The following ACY1 variants were observed in gnomAD, a reference collection of about 807,000 sequenced individuals.
The protein encoded by ACY1 is aminoacylase-1.
ACY1 carries 38 observed loss-of-function variants against 53.3 expected under a neutral mutation model. The ratio of observed to expected loss-of-function variants is 0.71; its 90% CI spans 0.55 to 0.93. The LOEUF is 0.93. Ranked by LOEUF, ACY1 falls within the 40% of genes least tolerant of loss-of-function variation. The pLI, the probability that ACY1 is intolerant of heterozygous loss-of-function variation, is 0.00. For synonymous variants in ACY1, 177 were observed against 202.1 expected (o/e 0.88, Z 1.05); for missense variants, 484 against 540.9 (o/e 0.89, Z 1.04).
At chr3:51,985,491 C>T in intron 4 of ACY1, 26 bp downstream of exon 4, 1 of 1,607,342 alleles carries the variant, frequency 6.2e-7, no homozygotes, top group South Asian at 1.1e-5. Context: ...GGGAGGTGGG[C>T]AGTGCAGGCC....
intron 1 of ACY1, among the ~76,000 whole-genome samples, 171 bp downstream of exon 1, chr3:51,983,760 C>T (rs1700964840): frequency 6.6e-6 from 1 of 151,514 alleles, no homozygotes; most frequent in South Asian, 2.1e-4. Context: ...CTCAGCTACT[C>T]TATGAGCTGT....
chr3:51,985,572 C>A, intron 4 of ACY1, 107 bp downstream of exon 4: 1 of 1,046,570 alleles, frequency 9.6e-7, no homozygotes, highest in Non-Finnish European at 1.4e-6. Flanking sequence ...CCAGTCCTGA[C>A]ACTAACTCTC....
intron 1 of ACY1, 85 bp downstream of exon 1, chr3:51,983,674 T>G: frequency 3.6e-6 from 1 of 275,858 alleles, no homozygotes; most frequent in East Asian, 9.2e-5. Context: ...TTTTTCTTGT[T>G]TGTTTTTTGT....
At position 51,985,862 on chromosome 3, in the gene ACY1, G is replaced by A. The variant is rs1346605678; in HGVS notation, c.275G>A (p.Ser92Asn). The A allele has an allele frequency of 1.2e-6, 2 of 1,613,440 alleles. No individual in the cohort carries two copies. Among genetic ancestry groups the A allele is most frequent in the African/African-American group, 2.7e-5 (2 of 74,910 alleles). ...CATCCCTGCCCCCAGGAACATTGGA[G>A]TCACGACCCCTTTGAGGCCTTCAAG... ...DVVPVFKEHW[S>N]HDPFEAFKDS... The change falls in exon 5 of 15, where the codon AGT becomes AAT. Residue 92 changes from serine to asparagine, a missense_variant. Coordinates refer to ENST00000636358, the MANE Select transcript of ACY1 (RefSeq NM_000666.3).
At chr3:51,988,136 G>A (rs950218547) in intron 12 of ACY1, 6 of 354,480 alleles carry the variant, frequency 1.7e-5, no homozygotes, top group Admixed American at 1.2e-4. Context: ...AAAATGCTGG[G>A]ATTACAGGCA....
At chr3:51,984,001 T>C in intron 1 of ACY1, 46 bp from the exon 2 acceptor site, 2 of 1,428,098 alleles carry the variant, frequency 1.4e-6, no homozygotes, top group Middle Eastern at 1.8e-4. Flanking sequence ...GAGCTCACCA[T>C]TTCCAGGGTC....
rs763119432 is a variant in ACY1, at chr3:51,985,218, G to T, written c.106G>T (p.Ala36Ser). The T allele has an allele frequency of 1.9e-6, 3 of 1,604,354 alleles. No individual in the cohort carries two copies. The highest frequency in any genetic ancestry group is 1.7e-5 in the Admixed American group (1 of 58,464). The change falls in exon 3 of 15, where the codon GCT becomes TCT. Residue 36 changes from alanine to serine, a missense_variant. By Grantham distance (99) the Ala-to-Ser change is moderately conservative. Coordinates refer to ENST00000636358, the MANE Select transcript of ACY1 (RefSeq NM_000666.3). ...QPKPDYGAAV[A>S]FFEETARQLG... ...CTCTGTGCCTCCAGGAGCTGCTGTG[G>T]CTTTCTTTGAGGAGACAGCCCGCCA...
At chr3:51,984,976 A>G (rs886947340) in intron 2 of ACY1, 14 of 596,700 alleles carry the variant, frequency 2.3e-5, no homozygotes, top group Non-Finnish European at 4.2e-5. Flanking sequence ...GGAAGATAAC[A>G]CCTTCCTCCA....
chr3:51,985,506 G>A lies in ACY1; in HGVS notation c.264+41G>A, dbSNP rs1455365058. 3.8e-6 allele frequency: 6 copies of A among 1,592,326 alleles called. No homozygotes were observed. The South Asian group carries it at 4.4e-5, about 12-fold the overall frequency. On this transcript the variant is annotated intron_variant, in intron 4 of 14. Coordinates refer to ENST00000636358, the MANE Select transcript of ACY1 (RefSeq NM_000666.3). ...GGGAGGTGGGCAGTGCAGGCCTTGGGGACAGACATGATGCAGACCCCAGGA... is the reference window on the plus strand; with the variant it reads ...GGGAGGTGGGCAGTGCAGGCCTTGGAGACAGACATGATGCAGACCCCAGGA...
At chr3:51,987,952 G>A (rs1274039163) in intron 12 of ACY1, 2 of 334,204 alleles carry the variant, frequency 6.0e-6, no homozygotes, top group Non-Finnish European at 1.1e-5. Context: ...GCTCACCTCC[G>A]CCTCCCGGGT....
chr3:51,987,108 C>T (rs776094043), intron 9 of ACY1, 39 bp from the exon 10 acceptor site: 1 of 1,614,154 alleles, frequency 6.2e-7, no homozygotes, highest in Non-Finnish European at 8.5e-7. Context: ...GAGGCTCTAT[C>T]CTGAGGCCAC....
chr3:51,984,785 T>G, intron 2 of ACY1: 1 of 255,738 alleles, frequency 3.9e-6, no homozygotes, highest in East Asian at 1.1e-4. Flanking sequence ...ACTTCACTCC[T>G]GCCTTGGTGA....
At position 51,989,044 on chromosome 3, in the gene ACY1, C is replaced by G. The variant is rs1701179067; in HGVS notation, c.1196C>G (p.Ala399Gly). ...TATACACGCCTGCTGCCTGCCCTTG[C>G]CAGTGTGCCTGCCCTGCCCAGTGAC... ...DIYTRLLPALASVPALPSDS is the reference protein window; with the variant it reads ...DIYTRLLPALGSVPALPSDS The change falls in exon 15 of 15, where the codon GCC becomes GGC. Residue 399 changes from alanine (A) to glycine (G), a missense_variant. Coordinates refer to ENST00000636358, the MANE Select transcript of ACY1 (RefSeq NM_000666.3). The G allele has an allele frequency of 6.2e-7, 1 of 1,614,020 alleles. No individual in the cohort carries two copies. The highest frequency in any genetic ancestry group is 8.5e-7 in the Non-Finnish European group (1 of 1,180,034).
intron 12 of ACY1, chr3:51,988,124 G>A (rs1701137944): frequency 5.9e-6 from 2 of 338,100 alleles, no homozygotes; most frequent in East Asian, 1.5e-4. Context: ...CCTTGGCCTC[G>A]CAAAATGCTG....
chr3:51,983,960 G>A, intron 1 of ACY1, 87 bp from the exon 2 acceptor site: 3 of 977,956 alleles, frequency 3.1e-6, no homozygotes, highest in Non-Finnish European at 3.3e-6. Context: ...TGGGAAGTCC[G>A]GGAGCCGCCG....
rs1288333115 is a variant in ACY1, at chr3:51,986,501, G to A, written c.523G>A (p.Glu175Lys). The part of the protein sequence containing the change: ...HALRAGFALD[E>K]GIANPTDAFT... ...CCTGAGGGCAGGCTTTGCCCTGGAT[G>A]AGGGTGAGCAGGTTGGCAAGCCAAT... Residue 175 changes from glutamate (E) to lysine (K), a missense_variant, in exon 7 of 15, where the codon GAG (glutamate) becomes AAG (lysine). Coordinates refer to ENST00000636358, the MANE Select transcript of ACY1 (RefSeq NM_000666.3). 3 of 1,614,056 alleles carry A rather than the reference G, an allele frequency of 1.9e-6. No homozygotes were observed. The highest frequency in any genetic ancestry group is 1.6e-4 in the Middle Eastern group (1 of 6,084).
At position 51,985,459 on chromosome 3, in the gene ACY1, C is replaced by T; in HGVS notation, c.258C>T (p.Val86=). 1.2e-6 allele frequency: 2 copies of T among 1,613,926 alleles called. No individual in the cohort carries two copies. The highest frequency in any genetic ancestry group is 2.2e-5 in the South Asian group (2 of 91,082). Residue 86 remains valine, a synonymous_variant, in exon 4 of 15, where the codon GTC becomes GTT. Coordinates refer to ENST00000636358, the MANE Select transcript of ACY1 (RefSeq NM_000666.3). ...ACTCCCACACGGATGTGGTGCCTGT[C>T]TTCAAGGTGTGTAAGGGGCTGGGGA... ...LLNSHTDVVP[V]FKEHWSHDPF...
At chr3:51,985,761 T>C (rs373735638) in intron 4 of ACY1, 91 bp from the exon 5 acceptor site, 1 of 1,120,958 alleles carries the variant, frequency 8.9e-7, no homozygotes, top group East Asian at 2.6e-5. Flanking sequence ...TCCAACCCTA[T>C]GGTGGGCTCC....
intron 12 of ACY1, chr3:51,988,001 G>A: frequency 6.6e-6 from 2 of 302,458 alleles, no homozygotes; most frequent in Non-Finnish European, 6.3e-6. Flanking sequence ...GAGTAGTTGG[G>A]ATTACAGGCA....
Sources: allele counts gnomAD v4.1 joint callset (sites outside exome capture counted in the v4.1 genomes callset), GRCh38; gene constraint gnomAD v4.1.1; transcripts MANE v1.5; gene names NCBI Gene and HGNC (gene_info 2026-07-23, HGNC 2026-07-21).